OLAH: variants seen among roughly 807,000 people sequenced by gnomAD.
OLAH encodes S-acyl fatty acid synthase thioesterase, medium chain.
OLAH carries 33 observed loss-of-function variants against 27.8 expected under a neutral mutation model. The ratio of observed to expected loss-of-function variants is 1.19; its 90% CI spans 0.90 to 1.59. The LOEUF is 1.59. Among genes scored for constraint, OLAH ranks in the 40% most tolerant of loss-of-function variants. The pLI, the probability that OLAH is intolerant of heterozygous loss-of-function variation, is 0.00. For synonymous variants in OLAH, 120 were observed against 102.9 expected (o/e 1.17, Z -1.01); for missense variants, 359 against 310.8 (o/e 1.16, Z -1.17).
intron 3 of OLAH, among the ~76,000 whole-genome samples, chr10:15,050,783 C>T (rs535798414): frequency 3.3e-5 from 5 of 151,898 alleles, no homozygotes; most frequent in East Asian, 3.9e-4. Flanking sequence ...CCTTGTGATC[C>T]GCCCGCCTCG....
chr10:15,067,437 C>T (rs371894671), intron 6 of OLAH, among the ~76,000 whole-genome samples: 1 of 152,046 alleles, frequency 6.6e-6, no homozygotes, highest in Non-Finnish European at 1.5e-5. Flanking sequence ...TAGAGGGGAG[C>T]GTCTGGCACA....
At chr10:15,064,084 G>A (rs945729720) in intron 4 of OLAH, among the ~76,000 whole-genome samples, 5 of 152,130 alleles carry the variant, frequency 3.3e-5, no homozygotes, top group African/African-American at 7.2e-5. Context: ...TCCCTAAACC[G>A]TATTTTGAGA....
intron 3 of OLAH, among the ~76,000 whole-genome samples, chr10:15,050,161 T>C (rs1273735038): frequency 6.6e-6 from 1 of 152,258 alleles, no homozygotes; most frequent in East Asian, 1.9e-4. Flanking sequence ...CGCACGCTTG[T>C]AATACCAGCA....
upstream of OLAH, among the ~76,000 whole-genome samples, chr10:15,039,731 A>G (rs1388729369): frequency 6.6e-6 from 1 of 152,222 alleles, no homozygotes; most frequent in Non-Finnish European, 1.5e-5. Context: ...CCCCAGAAGA[A>G]GGCAACATTT....
intron 1 of OLAH, among the ~76,000 whole-genome samples, chr10:15,045,237 G>A (rs776335760): frequency 1.4e-4 from 22 of 152,182 alleles, no homozygotes; most frequent in Admixed American, 2.0e-4. Flanking sequence ...ATCACAGACC[G>A]TGCTAAGTCA....
At chr10:15,065,463 A>G in intron 5 of OLAH, 121 bp from the exon 6 acceptor site, 1 of 1,009,984 alleles carries the variant, frequency 9.9e-7, no homozygotes, top group Non-Finnish European at 1.4e-6. Flanking sequence ...AAGCCTATAG[A>G]TAAAGCAGTC....
At chr10:15,035,821 G>C (rs960820287) in intron 1 of OLAH, among the ~76,000 whole-genome samples, 2 of 152,178 alleles carry the variant, frequency 1.3e-5, no homozygotes, top group African/African-American at 4.8e-5. Flanking sequence ...CTTAGAAAAA[G>C]ATCAAATCAC....
At chr10:15,052,317 T>G (rs1325947349) in intron 3 of OLAH, among the ~76,000 whole-genome samples, 2 of 152,266 alleles carry the variant, frequency 1.3e-5, no homozygotes, top group East Asian at 3.9e-4. Context: ...GCTGCTGGCT[T>G]TGACCCATGG....
chr10:15,054,480 G>A lies in OLAH; in HGVS notation c.163+4715G>A, dbSNP rs183639851. 1.6e-4 allele frequency among the ~76,000 whole-genome samples: 25 copies of A among 152,258 alleles called. No individual in the cohort carries two copies. In the East Asian group the frequency reaches 3.3e-3, roughly 20 times the overall value. ...ATTGAGGTTGTCACAGAGCCATTAC[G>A]ATTCGCTGCTGCTAACAGGAGTTTG... On this transcript the variant is annotated intron_variant, in intron 3 of 7. Transcript: ENST00000378228.
At chr10:15,056,198 T>A (rs1199405813) in intron 3 of OLAH, among the ~76,000 whole-genome samples, 1 of 152,188 alleles carries the variant, frequency 6.6e-6, no homozygotes. Context: ...TAACACAATT[T>A]ATGTATCTAT....
At chr10:15,056,886 G>A (rs1240251307) in intron 3 of OLAH, 3 of 1,533,884 alleles carry the variant, frequency 2.0e-6, no homozygotes, top group African/African-American at 2.8e-5. Flanking sequence ...TGATCCTCCT[G>A]CTTCAGCCTA....
intron 1 of OLAH, among the ~76,000 whole-genome samples, chr10:15,034,101 C>CG (rs766869532): frequency 7.2e-6 from 1 of 139,374 alleles, no homozygotes. Context: ...CAGACTCCAC[C>CG]ATTTTTTTTT....
At chr10:15,068,528 G>A (rs1844511254) in intron 6 of OLAH, among the ~76,000 whole-genome samples, 1 of 152,084 alleles carries the variant, frequency 6.6e-6, no homozygotes, top group African/African-American at 2.4e-5. Flanking sequence ...GAGTAGCTGG[G>A]ATTACAGACA....
At chr10:15,058,465 A>G (rs540444662) in intron 3 of OLAH, among the ~76,000 whole-genome samples, 5 of 152,300 alleles carry the variant, frequency 3.3e-5, no homozygotes, top group Admixed American at 6.5e-5. Context: ...TTAATGAAAG[A>G]ATCTTATAAG....
At chr10:15,057,255 T>C (rs1378896918) in intron 3 of OLAH, among the ~76,000 whole-genome samples, 1 of 152,212 alleles carries the variant, frequency 6.6e-6, no homozygotes, top group Non-Finnish European at 1.5e-5. Context: ...GTGAGCTAGA[T>C]ATCCAAGTTT....
intron 3 of OLAH, among the ~76,000 whole-genome samples, chr10:15,052,549 A>G (rs968267072): frequency 2.0e-5 from 3 of 152,128 alleles, no homozygotes; most frequent in African/African-American, 7.2e-5. Context: ...CTGGGATTAC[A>G]GGTGTAAACT....
chr10:15,047,328 A>G lies in OLAH; in HGVS notation c.32+8A>G. 6.2e-7 allele frequency: 1 copy of G among 1,613,006 alleles called. No homozygotes were observed. The highest frequency in any genetic ancestry group is 2.2e-5 in the East Asian group (1 of 44,814). On this transcript the variant is annotated splice_region_variant and intron_variant, in intron 2 of 7. Coordinates refer to ENST00000378228, the MANE Select transcript of OLAH (RefSeq NM_001039702.3). ...CCAACCTAAGAGAACCAGGCAGGCC[A>G]CCCCTTGTGCCACCAGGCTCTTCCT...
At chr10:15,071,099 G>A (rs557519963) in intron 6 of OLAH, among the ~76,000 whole-genome samples, 2 of 151,946 alleles carry the variant, frequency 1.3e-5, no homozygotes, top group Non-Finnish European at 2.9e-5. Flanking sequence ...TTAATTTGTT[G>A]TCTTTCTCTT....
intron 4 of OLAH, 44 bp downstream of exon 4, chr10:15,061,906 A>G (rs752432520): frequency 1.4e-5 from 22 of 1,582,366 alleles, no homozygotes; most frequent in Admixed American, 3.6e-5. Flanking sequence ...AGTTTCTTCT[A>G]TCTGAAGTTT....
Sources: gnomAD v4.1 joint callset for allele counts (sites outside exome capture counted in the v4.1 genomes callset) on GRCh38, gnomAD v4.1.1 for gene constraint, MANE v1.5 for transcripts, NCBI Gene and HGNC (gene_info 2026-07-23, HGNC 2026-07-21) for gene names.